Variants in SLC26A5 observed in about 807,000 individuals in gnomAD.
The protein encoded by SLC26A5 is prestin.
A neutral mutation model predicts 81.0 loss-of-function variants in SLC26A5; 51 were observed. That is an observed-to-expected ratio of 0.63 (90% CI 0.50 to 0.80). The LOEUF (loss-of-function observed/expected upper bound fraction) is 0.80, where lower values mean the gene tolerates loss of function less well. Ranked by LOEUF, SLC26A5 falls within the 30% of genes least tolerant of loss-of-function variation. The pLI, the probability that SLC26A5 is intolerant of heterozygous loss-of-function variation, is 0.00. For missense variants in SLC26A5, 771 were observed against 905.8 expected, an observed-to-expected ratio of 0.85 and a Z score of 1.91; for synonymous variants, 325 against 332.8, an observed-to-expected ratio of 0.98 and a Z score of 0.25.
chr7:103,353,812 A>G lies in SLC26A5; in HGVS notation c.2042-886T>C, dbSNP rs1819867422. The G allele has an allele frequency of 2.7e-5, 24 of 895,920 alleles. No homozygotes were observed. In the South Asian group the frequency reaches 3.2e-4, roughly 12 times the overall value. The allele number at this position is 895,920 out of a possible 1,614,324, so 55.5% of individuals were successfully genotyped here. On this transcript the variant is annotated intron_variant, in intron 19 of 19. Coordinates refer to the SLC26A5 transcript ENST00000339444. The stretch of plus-strand genomic sequence containing the variant: ...ATCATAATCTTGCTTGATTTTTGAC[A>G]CTCACTTAAAACAATTTGAATCGAA...
intron 19 of SLC26A5, among the ~76,000 whole-genome samples, chr7:103,364,958 C>CACAT (rs1554575470): frequency 8.0e-6 from 1 of 125,502 alleles, no homozygotes; most frequent in African/African-American, 2.9e-5. Context: ...TGTAGACATA[C>CACAT]ATATATATAT....
At chr7:103,389,794 A>T (rs1822499317) in intron 12 of SLC26A5, among the ~76,000 whole-genome samples, 1 of 151,924 alleles carries the variant, frequency 6.6e-6, no homozygotes, top group Non-Finnish European at 1.5e-5. Flanking sequence ...CACTCAGTTA[A>T]TTTTTGTATT....
At chr7:103,360,850 G>A (rs1339444236) in intron 19 of SLC26A5, among the ~76,000 whole-genome samples, 1 of 152,196 alleles carries the variant, frequency 6.6e-6, no homozygotes, top group Non-Finnish European at 1.5e-5. Flanking sequence ...AATGGCTCAC[G>A]CCTGTAATCC....
At chr7:103,357,373 C>T (rs772750472) in intron 19 of SLC26A5, among the ~76,000 whole-genome samples, 22 of 151,014 alleles carry the variant, frequency 1.5e-4, no homozygotes, top group Non-Finnish European at 3.1e-4. Flanking sequence ...ATAATAACAA[C>T]TGTATTTCCC....
intron 7 of SLC26A5, among the ~76,000 whole-genome samples, chr7:103,408,995 C>CT (rs1824275228): frequency 6.6e-6 from 1 of 152,148 alleles, no homozygotes; most frequent in South Asian, 2.1e-4. Context: ...TTATGGGAAA[C>CT]TAAGAATTTT....
chr7:103,381,704 C>T (rs999503265), intron 14 of SLC26A5, among the ~76,000 whole-genome samples: 2 of 151,538 alleles, frequency 1.3e-5, no homozygotes, highest in African/African-American at 4.9e-5. Flanking sequence ...CATACATACC[C>T]CCACTACATG....
rs745378351 is a variant in SLC26A5 at position 103,410,474 on chromosome 7, C to T, written c.646G>A (p.Ala216Thr). ...TEPLVRGFTT[A>T]AAVHVFTSML... ...GAGGTGAAGACATGCACAGCTGCTG[C>T]GGTGGTAAACCCACGGACCAGAGGC... The change falls in exon 7 of 20, where the codon GCA becomes ACA. Residue 216 changes from alanine (A) to threonine (T), a missense_variant. Coordinates refer to ENST00000306312, the MANE Select transcript of SLC26A5 (RefSeq NM_198999.3). 58 of 1,613,794 alleles carry T rather than the reference C, an allele frequency of 3.6e-5. No individual in the cohort carries two copies. The highest frequency in any genetic ancestry group is 4.7e-5 in the Non-Finnish European group (55 of 1,179,902).
At chr7:103,415,909 C>A (rs937180003) in intron 4 of SLC26A5, among the ~76,000 whole-genome samples, 9 of 152,064 alleles carry the variant, frequency 5.9e-5, no homozygotes, top group African/African-American at 2.2e-4. Flanking sequence ...TCTGGAAGTC[C>A]TATTAGATGT....
chr7:103,403,030 T>G (rs918173061), intron 8 of SLC26A5, among the ~76,000 whole-genome samples: 4 of 152,252 alleles, frequency 2.6e-5, no homozygotes, highest in African/African-American at 9.6e-5. Flanking sequence ...AATTTCCCTC[T>G]AAACACTGTT....
At chr7:103,426,619 T>G (rs942124993) in intron 2 of SLC26A5, among the ~76,000 whole-genome samples, 2 of 152,184 alleles carry the variant, frequency 1.3e-5, no homozygotes, top group African/African-American at 2.4e-5. Context: ...CTTTTTGAGA[T>G]AGCTGGTTGG....
chr7:103,432,620 CA>C (rs979613120), intron 2 of SLC26A5, among the ~76,000 whole-genome samples: 17 of 152,162 alleles, frequency 1.1e-4, no homozygotes, highest in Non-Finnish European at 2.4e-4. Context: ...TTTATTCTTT[CA>C]ATAATTTTTA....
intron 4 of SLC26A5, among the ~76,000 whole-genome samples, chr7:103,418,970 G>A (rs1321412643): frequency 3.3e-5 from 5 of 152,122 alleles, no homozygotes; most frequent in East Asian, 3.9e-4. Flanking sequence ...GAGAGGGACC[G>A]GATAGGAGGT....
intron 14 of SLC26A5, among the ~76,000 whole-genome samples, chr7:103,383,284 T>C (rs1821934657): frequency 6.6e-6 from 1 of 152,190 alleles, no homozygotes; most frequent in African/African-American, 2.4e-5. Context: ...GGATCACAAG[T>C]ACAGGAGTAG....
intron 10 of SLC26A5, among the ~76,000 whole-genome samples, chr7:103,392,027 T>C (rs1167987155): frequency 6.6e-6 from 1 of 152,184 alleles, no homozygotes; most frequent in African/African-American, 2.4e-5. Context: ...AAAACTGCAC[T>C]AAAAGGGATC....
chr7:103,439,772 G>A (rs1417966218), intron 2 of SLC26A5, among the ~76,000 whole-genome samples: 1 of 152,102 alleles, frequency 6.6e-6, no homozygotes, highest in East Asian at 1.9e-4. Context: ...GGCCTCAAGC[G>A]ATCTGCCCGC....
intron 4 of SLC26A5, among the ~76,000 whole-genome samples, chr7:103,417,774 G>A (rs1825037231): frequency 2.0e-5 from 3 of 152,080 alleles, no homozygotes; most frequent in South Asian, 4.1e-4. Flanking sequence ...TTGAGATGGA[G>A]TTTTGCTCTT....
chr7:103,388,193 GTT>G (rs897201043), intron 14 of SLC26A5, among the ~76,000 whole-genome samples: 22 of 114,914 alleles, frequency 1.9e-4, no homozygotes, highest in African/African-American at 3.2e-4. Flanking sequence ...AGCCCATAAA[GTT>G]TTTTTTTTTT....
intron 4 of SLC26A5, among the ~76,000 whole-genome samples, chr7:103,419,643 T>A (rs1307993599): frequency 6.6e-6 from 1 of 152,046 alleles, no homozygotes; most frequent in Non-Finnish European, 1.5e-5. Flanking sequence ...GTTCAAGTGA[T>A]TATCCTGCTT....
intron 19 of SLC26A5, among the ~76,000 whole-genome samples, chr7:103,358,488 C>T (rs963136354): frequency 6.6e-6 from 1 of 152,088 alleles, no homozygotes; most frequent in Non-Finnish European, 1.5e-5. Flanking sequence ...GCTAATCTTT[C>T]CTTCCTGTTT....
Sources: allele counts gnomAD v4.1 joint callset (sites outside exome capture counted in the v4.1 genomes callset), GRCh38; gene constraint gnomAD v4.1.1; transcripts MANE v1.5; gene names NCBI Gene and HGNC (gene_info 2026-07-23, HGNC 2026-07-21).